VAV3: variants seen among roughly 807,000 people sequenced by gnomAD.
VAV3 encodes the protein guanine nucleotide exchange factor VAV3.
A neutral mutation model predicts 131.2 loss-of-function variants in VAV3; 94 were observed. That is an observed-to-expected ratio of 0.72 (90% confidence interval 0.61 to 0.85). The LOEUF (loss-of-function observed/expected upper bound fraction) is 0.85, where lower values mean the gene tolerates loss of function less well. VAV3 is among the 40% of genes least tolerant of loss of function. The probability of loss-of-function intolerance (pLI) is 0.00; values close to 1 mark genes in which losing one functional copy is unlikely to be tolerated. For synonymous variants in VAV3, 349 were observed against 342.0 expected (o/e 1.02, Z -0.22); for missense variants, 939 against 1,002.7 (o/e 0.94, Z 0.86).
At chr1:107,834,148 C>A (rs1227024355) in intron 2 of VAV3, among the ~76,000 whole-genome samples, 1 of 152,088 alleles carries the variant, frequency 6.6e-6, no homozygotes, top group Non-Finnish European at 1.5e-5. Context: ...TTTTGTGTGG[C>A]CATATATAAA....
At chr1:107,705,291 C>A (rs1660376982) in intron 15 of VAV3, among the ~76,000 whole-genome samples, 1 of 151,768 alleles carries the variant, frequency 6.6e-6, no homozygotes, top group Admixed American at 6.6e-5. Flanking sequence ...GCAACCTAAT[C>A]CTCCTCAGAA....
intron 2 of VAV3, among the ~76,000 whole-genome samples, chr1:107,845,981 C>A (rs1197785035): frequency 6.6e-6 from 1 of 151,868 alleles, no homozygotes; most frequent in Non-Finnish European, 1.5e-5. Flanking sequence ...GAAGAGCAAC[C>A]CCAAGACAAA....
In VAV3 at chr1:107,572,401, G is replaced by C. The variant is rs1248436241; in HGVS notation, c.*930C>G. 1 of 152,322 alleles carries C rather than the reference G, an allele frequency of 6.6e-6. No individual in the cohort carries two copies. Among genetic ancestry groups the C allele is most frequent in the Non-Finnish European group, 1.5e-5 (1 of 68,048 alleles). 9.4% of individuals were successfully genotyped at this position (152,322 alleles called of 1,614,324 possible). A position where few individuals can be genotyped will look rare whatever the true frequency, so the allele number is the denominator to read the frequency against. ...AGGTCATCTTTGTGTGTGTGCGGGG[G>C]AGGTGGATGGGAGGAAAAGGCATGT... On this transcript the variant is annotated 3_prime_UTR_variant, in exon 27 of 27. Coordinates refer to ENST00000370056, the MANE Select transcript of VAV3 (RefSeq NM_006113.5).
At chr1:107,737,681 C>T (rs1227111668) in intron 15 of VAV3, among the ~76,000 whole-genome samples, 2 of 152,030 alleles carry the variant, frequency 1.3e-5, no homozygotes, top group African/African-American at 2.4e-5. Context: ...GTTAGAATGG[C>T]GATCATTAAA....
chr1:107,777,347 G>A (rs140611349), intron 3 of VAV3, 51 bp from the exon 4 acceptor site: 22 of 1,538,580 alleles, frequency 1.4e-5, no homozygotes, highest in African/African-American at 9.6e-5. Context: ...ATGAGTGAAC[G>A]AGCAACAATC....
chr1:107,596,455 A>G, intron 24 of VAV3, 114 bp from the exon 25 acceptor site: 1 of 1,183,376 alleles, frequency 8.5e-7, no homozygotes, highest in Non-Finnish European at 1.2e-6. Flanking sequence ...TAAATTTTCC[A>G]TAGGTATATG....
intron 2 of VAV3, among the ~76,000 whole-genome samples, chr1:107,832,165 A>G (rs2102391309): frequency 1.3e-5 from 2 of 152,382 alleles, no homozygotes; most frequent in Middle Eastern, 3.4e-3. Context: ...TGATCTGGTT[A>G]TAAGAGCAAC....
At chr1:107,777,648 C>G (rs926913812) in intron 3 of VAV3, 1 of 278,122 alleles carries the variant, frequency 3.6e-6, no homozygotes, top group East Asian at 8.7e-5. Context: ...CCAAGTCAGA[C>G]AACAAACAGC....
In VAV3 at chr1:107,964,728, T is replaced by C; in HGVS notation, c.142A>G (p.Asn48Asp). Residue 48 changes from asparagine (N) to aspartate (D), a missense_variant, in exon 1 of 27, where the codon AAC (asparagine) becomes GAC (aspartate). Transcript: ENST00000370056. ...RDGVLLCQLL[N>D]NLRAHSINLK... ...TTGATGGAGTGCGCCCGGAGGTTGT[T>C]AAGCAGCTGGCAGAGCAGGACTCCA... 6.2e-7 allele frequency: 1 copy of C among 1,614,072 alleles called. No individual in the cohort carries two copies. Among genetic ancestry groups the C allele is most frequent in the Non-Finnish European group, 8.5e-7 (1 of 1,180,008 alleles).
At chr1:107,869,351 T>C (rs1390869824) in intron 2 of VAV3, among the ~76,000 whole-genome samples, 2 of 152,206 alleles carry the variant, frequency 1.3e-5, no homozygotes, top group Non-Finnish European at 2.9e-5. Context: ...TTAATATCAT[T>C]AGTTCTCTTG....
At chr1:107,762,098 C>A (rs951710307) in intron 9 of VAV3, among the ~76,000 whole-genome samples, 2 of 141,392 alleles carry the variant, frequency 1.4e-5, no homozygotes, top group Admixed American at 7.4e-5. Context: ...CTGTTTCTCA[C>A]GTAACTATGG....
intron 9 of VAV3, among the ~76,000 whole-genome samples, chr1:107,764,080 A>AAAAAAAC (rs1433013202): frequency 1.3e-5 from 2 of 151,992 alleles, no homozygotes; most frequent in African/African-American, 4.8e-5. Flanking sequence ...TTCAGGAAAA[A>AAAAAAAC]AAAAAACAAA....
rs540022431 is a variant in VAV3, at chr1:107,861,797, C to T, written c.321+13104G>A. On this transcript the variant is annotated intron_variant, in intron 2 of 26. Transcript: ENST00000370056. ...CACCTGCTTACTCAGAAGCAGCAAG[C>T]AGCATCCTTCATTTCCTCTACACAG... Among the ~76,000 whole-genome samples, 210 of 151,718 alleles carry T rather than the reference C, an allele frequency of 1.4e-3. 1 individual carries two copies. Among genetic ancestry groups the T allele is most frequent in the African/African-American group, 4.8e-3 (198 of 41,530 alleles).
intron 19 of VAV3, among the ~76,000 whole-genome samples, chr1:107,644,931 C>G (rs1655622234): frequency 1.6e-5 from 1 of 63,326 alleles, no homozygotes; most frequent in Non-Finnish European, 4.2e-5. Flanking sequence ...AGTATGTATA[C>G]ACTAGTATAC....
intron 6 of VAV3, 48 bp downstream of exon 6, chr1:107,770,588 C>T (rs755413459): frequency 3.5e-6 from 4 of 1,145,158 alleles, no homozygotes; most frequent in Admixed American, 1.8e-5. Flanking sequence ...AATATATTAA[C>T]TATATTAGGC....
At chr1:107,873,912 G>A (rs1670366854) in intron 2 of VAV3, among the ~76,000 whole-genome samples, 1 of 152,094 alleles carries the variant, frequency 6.6e-6, no homozygotes, top group African/African-American at 2.4e-5. Context: ...CTGTATTTCA[G>A]CATCAAATTT....
intron 2 of VAV3, among the ~76,000 whole-genome samples, chr1:107,871,209 GAAGTT>G (rs1248624331): frequency 6.6e-6 from 1 of 152,076 alleles, no homozygotes; most frequent in Non-Finnish European, 1.5e-5. Context: ...CTTAAGCAAA[GAAGTT>G]AACTAACAAG....
chr1:107,905,205 G>A (rs942883936), intron 1 of VAV3, among the ~76,000 whole-genome samples: 1 of 152,134 alleles, frequency 6.6e-6, no homozygotes, highest in African/African-American at 2.4e-5. Context: ...TGATAAGTCA[G>A]CCTTACCTAG....
intron 20 of VAV3, among the ~76,000 whole-genome samples, chr1:107,622,489 G>A (rs980139852): frequency 2.6e-5 from 4 of 152,168 alleles, no homozygotes; most frequent in Non-Finnish European, 5.9e-5. Context: ...GAACTGCTTT[G>A]AGAAAAATAC....
Sources: allele counts gnomAD v4.1 joint callset (sites outside exome capture counted in the v4.1 genomes callset), GRCh38; gene constraint gnomAD v4.1.1; transcripts MANE v1.5; gene names NCBI Gene and HGNC (gene_info 2026-07-23, HGNC 2026-07-21).